KCNMB2: variants seen among roughly 807,000 people sequenced by gnomAD.
KCNMB2 encodes calcium-activated potassium channel subunit beta-2.
KCNMB2 carries 9 observed loss-of-function variants against 24.5 expected under a neutral mutation model. The observed-to-expected ratio is 0.37, with a 90% CI of 0.22 to 0.64. The LOEUF is 0.64. Among genes scored for constraint, KCNMB2 ranks in the 30% least tolerant of loss-of-function variants. KCNMB2 has a pLI of 0.63. For missense variants in KCNMB2, 226 were observed against 284.3 expected (o/e 0.79, Z 1.47); for synonymous variants, 109 against 104.4 (o/e 1.04, Z -0.27).
intron 1 of KCNMB2, among the ~76,000 whole-genome samples, chr3:178,608,994 G>A (rs1718379855): frequency 6.6e-6 from 1 of 152,032 alleles, no homozygotes; most frequent in Admixed American, 6.6e-5. Flanking sequence ...CCTTTCTTTT[G>A]GGTACATGCC....
chr3:178,701,843 T>C (rs1722109125), intron 1 of KCNMB2, among the ~76,000 whole-genome samples: 1 of 152,150 alleles, frequency 6.6e-6, no homozygotes, highest in African/African-American at 2.4e-5. Context: ...GTTCAACCAT[T>C]GTGGAAGACA....
chr3:178,569,918 G>C (rs1258315926), intron 1 of KCNMB2, among the ~76,000 whole-genome samples: 4 of 152,114 alleles, frequency 2.6e-5, no homozygotes, highest in Non-Finnish European at 4.4e-5. Context: ...ATAAAGGAAA[G>C]GGGCTGAAGA....
At position 178,791,969 on chromosome 3, in the gene KCNMB2, G is replaced by C. The variant is rs562676851; in HGVS notation, c.-67-15374G>C. ...AAGCTGAGGGATTTCATCAATACGA[G>C]ACCTGTCCTACAAGAAATGCTAAAG... On this transcript the variant is annotated intron_variant, in intron 1 of 4. Coordinates refer to ENST00000452583, the MANE Select transcript of KCNMB2 (RefSeq NM_181361.3). 2.5e-3 allele frequency among the ~76,000 whole-genome samples: 373 copies of C among 151,934 alleles called. 2 individuals are homozygous for C. The highest frequency in any genetic ancestry group is 8.5e-3 in the African/African-American group (353 of 41,430).
At chr3:178,690,921 A>G (rs1721647709) in intron 1 of KCNMB2, among the ~76,000 whole-genome samples, 1 of 151,828 alleles carries the variant, frequency 6.6e-6, no homozygotes, top group Non-Finnish European at 1.5e-5. Context: ...TTGAGTTTGC[A>G]AAGTATTTTT....
At chr3:178,784,607 T>C (rs2108434991) in intron 1 of KCNMB2, among the ~76,000 whole-genome samples, 1 of 152,248 alleles carries the variant, frequency 6.6e-6, no homozygotes, top group South Asian at 2.1e-4. Context: ...GAGTATCTAA[T>C]TTAATACTTC....
At chr3:178,595,935 T>C (rs769001040) in intron 1 of KCNMB2, among the ~76,000 whole-genome samples, 1 of 152,004 alleles carries the variant, frequency 6.6e-6, no homozygotes, top group African/African-American at 2.4e-5. Flanking sequence ...TGTGTGTGGA[T>C]CTGGGTTTAA....
chr3:178,821,698 A>G (rs6807583), intron 2 of KCNMB2, among the ~76,000 whole-genome samples: 60,692 of 151,944 alleles, frequency 0.4, 12,681 homozygotes, highest in Non-Finnish European at 0.44. Flanking sequence ...AAATACGGAA[A>G]CAAGAATCTC....
intron 1 of KCNMB2, among the ~76,000 whole-genome samples, chr3:178,777,247 A>T (rs1712618500): frequency 1.3e-5 from 2 of 152,160 alleles, no homozygotes. Context: ...CAGCCTGGCC[A>T]ACATTGTGAA....
intron 1 of KCNMB2, among the ~76,000 whole-genome samples, chr3:178,677,736 C>T (rs1721117977): frequency 6.6e-6 from 1 of 152,156 alleles, no homozygotes; most frequent in Non-Finnish European, 1.5e-5. Context: ...TTTTGATAGG[C>T]TGGGAAGCAT....
intron 1 of KCNMB2, among the ~76,000 whole-genome samples, chr3:178,779,178 C>A (rs1461079616): frequency 1.3e-5 from 2 of 152,172 alleles, no homozygotes; most frequent in Non-Finnish European, 2.9e-5. Flanking sequence ...CCCAGCCTCC[C>A]ACCCAGCCTT....
intron 1 of KCNMB2, among the ~76,000 whole-genome samples, chr3:178,779,037 T>C (rs1712714724): frequency 6.6e-6 from 1 of 152,182 alleles, no homozygotes; most frequent in Admixed American, 6.5e-5. Context: ...TATTGATACT[T>C]AAGGGGCAAA....
chr3:178,801,218 C>T (rs1713763139), intron 1 of KCNMB2, among the ~76,000 whole-genome samples: 1 of 151,910 alleles, frequency 6.6e-6, no homozygotes, highest in Non-Finnish European at 1.5e-5. Context: ...ATGATAAATG[C>T]TCAAGGTGAT....
intron 1 of KCNMB2, among the ~76,000 whole-genome samples, chr3:178,681,456 A>G (rs1159460804): frequency 6.6e-6 from 1 of 152,236 alleles, no homozygotes; most frequent in Non-Finnish European, 1.5e-5. Context: ...AATAACATCT[A>G]ATAAATGAGT....
At chr3:178,829,730 A>AT (rs1246186936) in intron 4 of KCNMB2, among the ~76,000 whole-genome samples, 2 of 152,180 alleles carry the variant, frequency 1.3e-5, no homozygotes, top group Non-Finnish European at 2.9e-5. Flanking sequence ...TCATTTCCTC[A>AT]TTTTGACAAT....
chr3:178,839,872 CG>C (rs1227971843), intron 4 of KCNMB2, among the ~76,000 whole-genome samples: 5 of 152,126 alleles, frequency 3.3e-5, no homozygotes, highest in Admixed American at 2.0e-4. Context: ...CATTCTGCCC[CG>C]GCTCTTCCCA....
At chr3:178,684,396 A>G (rs1340540333) in intron 1 of KCNMB2, among the ~76,000 whole-genome samples, 1 of 152,096 alleles carries the variant, frequency 6.6e-6, no homozygotes. Context: ...GCACATATGC[A>G]GGATGAACAA....
chr3:178,647,126 G>A (rs1480931560), intron 1 of KCNMB2, among the ~76,000 whole-genome samples: 1 of 152,078 alleles, frequency 6.6e-6, no homozygotes, highest in Non-Finnish European at 1.5e-5. Context: ...GACCTCTCTG[G>A]TTTGCACGTC....
intron 1 of KCNMB2, among the ~76,000 whole-genome samples, chr3:178,644,346 C>T (rs151078510): frequency 2.6e-5 from 4 of 152,268 alleles, no homozygotes; most frequent in African/African-American, 9.6e-5. Flanking sequence ...TGGAGAGGGC[C>T]AGGTGGGGAA....
chr3:178,623,258 G>A (rs1275358827), intron 1 of KCNMB2, among the ~76,000 whole-genome samples: 1 of 152,102 alleles, frequency 6.6e-6, no homozygotes, highest in Non-Finnish European at 1.5e-5. Flanking sequence ...ATCACCATAG[G>A]GCCACACTTA....
Sources: gnomAD v4.1 joint callset for allele counts (sites outside exome capture counted in the v4.1 genomes callset) on GRCh38, gnomAD v4.1.1 for gene constraint, MANE v1.5 for transcripts, NCBI Gene and HGNC (gene_info 2026-07-23, HGNC 2026-07-21) for gene names.